Variants in SBF2 observed in about 807,000 individuals in gnomAD.
SBF2 encodes myotubularin-related protein 13.
Under a neutral mutation model 225.2 loss-of-function variants are expected in SBF2, and 112 were observed. The ratio of observed to expected loss-of-function variants is 0.50; its 90% CI spans 0.43 to 0.58. SBF2 has a LOEUF of 0.58. SBF2 is among the 20% of genes least tolerant of loss of function. SBF2 has a pLI of 0.00. For missense variants in SBF2, 1,996 were observed against 2,206.2 expected (o/e 0.90, Z 1.91); for synonymous variants, 763 against 773.3 (o/e 0.99, Z 0.22).
At chr11:9,833,789 T>TC (rs1402971557) in intron 26 of SBF2, among the ~76,000 whole-genome samples, 4 of 149,234 alleles carry the variant, frequency 2.7e-5, no homozygotes, top group Non-Finnish European at 6.0e-5. Flanking sequence ...TTTTTTTTTT[T>TC]TGAGATGGAG....
intron 1 of SBF2, among the ~76,000 whole-genome samples, chr11:10,196,867 T>TATATATA (rs1409393179): frequency 5.2e-4 from 20 of 38,562 alleles, no homozygotes; most frequent in Middle Eastern, 0.013. Context: ...TATATATATA[T>TATATATA]TTTTTTTTTC....
intron 16 of SBF2, among the ~76,000 whole-genome samples, chr11:9,930,698 G>A (rs1363481631): frequency 6.6e-6 from 1 of 152,228 alleles, no homozygotes; most frequent in Non-Finnish European, 1.5e-5. Context: ...GAAGACGGGT[G>A]ATTTCTGCAT....
intron 16 of SBF2, among the ~76,000 whole-genome samples, chr11:9,925,072 AT>A (rs1863925027): frequency 6.6e-6 from 1 of 151,960 alleles, no homozygotes; most frequent in Admixed American, 6.5e-5. Context: ...AACTTAGGAT[AT>A]TTTTAACTTA....
intron 2 of SBF2, among the ~76,000 whole-genome samples, chr11:10,162,414 A>T (rs916518939): frequency 1.3e-5 from 2 of 152,182 alleles, no homozygotes. Context: ...TGAGCACCCA[A>T]AGAGTTTCTG....
At chr11:9,998,664 G>C (rs1947814011) in intron 8 of SBF2, among the ~76,000 whole-genome samples, 1 of 152,196 alleles carries the variant, frequency 6.6e-6, no homozygotes, top group South Asian at 2.1e-4. Context: ...GCTCTCCTAT[G>C]CTGTCTTTCC....
rs200602292 is a variant in SBF2, at chr11:9,924,732, G to A, written c.1861-28721C>T. On this transcript the variant is annotated intron_variant, in intron 16 of 39. Transcript: ENST00000256190. ...CAGGCGTGAGCCACCACGCCCAGTC[G>A]CATTTTCTTATTTTTATTTATTTAT... 9.3e-5 allele frequency among the ~76,000 whole-genome samples: 14 copies of A among 149,830 alleles called. No individual in the cohort carries two copies. In the East Asian group the frequency reaches 2.2e-3, roughly 24 times the overall value.
intron 17 of SBF2, among the ~76,000 whole-genome samples, chr11:9,882,662 C>T (rs1409494734): frequency 6.6e-6 from 1 of 151,980 alleles, no homozygotes; most frequent in Non-Finnish European, 1.5e-5. Flanking sequence ...CTAAAATTAG[C>T]TGGGCGCGGT....
chr11:10,266,592 T>C (rs1457375523), intron 1 of SBF2, among the ~76,000 whole-genome samples: 1 of 152,176 alleles, frequency 6.6e-6, no homozygotes, highest in Non-Finnish European at 1.5e-5. Flanking sequence ...GGTGGCAATA[T>C]GGAACTAGCT....
chr11:10,220,262 G>A (rs1018366295), intron 1 of SBF2, among the ~76,000 whole-genome samples: 1 of 151,894 alleles, frequency 6.6e-6, no homozygotes, highest in Non-Finnish European at 1.5e-5. Flanking sequence ...TCACTATCAC[G>A]AGAACAGCAT....
intron 16 of SBF2, among the ~76,000 whole-genome samples, chr11:9,897,604 TGGCTGCAAA>T (rs1329465011): frequency 1.3e-5 from 2 of 152,174 alleles, no homozygotes; most frequent in African/African-American, 4.8e-5. Context: ...GTGCCCACAA[TGGCTGCAAA>T]AGCTGCAATT....
intron 2 of SBF2, among the ~76,000 whole-genome samples, chr11:10,125,822 T>A (rs897068970): frequency 1.3e-5 from 2 of 152,238 alleles, no homozygotes; most frequent in African/African-American, 4.8e-5. Flanking sequence ...TTTCTCAGTC[T>A]TTTCTTTTTT....
At chr11:9,822,490 G>A (rs1209499946) in intron 28 of SBF2, among the ~76,000 whole-genome samples, 7 of 152,114 alleles carry the variant, frequency 4.6e-5, no homozygotes, top group African/African-American at 1.7e-4. Context: ...TCGATCTCCT[G>A]ACCACGTGAT....
At chr11:10,290,713 C>T (rs755005460) in intron 1 of SBF2, among the ~76,000 whole-genome samples, 12 of 152,072 alleles carry the variant, frequency 7.9e-5, no homozygotes, top group Non-Finnish European at 1.6e-4. Context: ...TAGAATAGAT[C>T]CTGGACTATT....
chr11:10,107,004 T>G (rs181051126), intron 2 of SBF2, among the ~76,000 whole-genome samples: 1 of 152,328 alleles, frequency 6.6e-6, no homozygotes, highest in Admixed American at 6.5e-5. Flanking sequence ...TTAAACCAAT[T>G]GTCCCTTCCT....
At chr11:9,839,336 T>C in intron 26 of SBF2, 162 bp downstream of exon 26, 1 of 739,700 alleles carries the variant, frequency 1.4e-6, no homozygotes, top group Non-Finnish European at 2.4e-6. Flanking sequence ...AGGTAATTGT[T>C]CCGAGAATGC....
intron 16 of SBF2, among the ~76,000 whole-genome samples, chr11:9,945,780 C>T (rs61876972): frequency 0.11 from 17,062 of 152,084 alleles, 1,086 homozygotes; most frequent in Non-Finnish European, 0.13. Flanking sequence ...AGGACATGAA[C>T]AGACACTTCT....
intron 29 of SBF2, among the ~76,000 whole-genome samples, chr11:9,813,871 G>A (rs1355953897): frequency 6.6e-6 from 1 of 152,076 alleles, no homozygotes; most frequent in Admixed American, 6.5e-5. Context: ...GAACCCCGGA[G>A]ATGGAGGTTG....
At position 10,193,961 on chromosome 11, in the gene SBF2, T is replaced by C; in HGVS notation, c.82A>G (p.Ile28Val). ...CAGTCCTTCTGTGGAAATCTCTGGA[T>C]TATTTTCCCCAGACCTTCTCCTGAT... ...PGSGEGLGKI[I>V]QRFPQKDWDD... is the part of the protein sequence containing the mutation. The change falls in exon 2 of 40, where the codon ATC becomes GTC. Residue 28 changes from isoleucine (I) to valine (V), a missense_variant. Ile to Val is a conservative substitution (Grantham distance 29, BLOSUM62 3). Coordinates refer to ENST00000256190, the MANE Select transcript of SBF2 (RefSeq NM_030962.4). The C allele has an allele frequency of 6.2e-7, 1 of 1,612,680 alleles. No homozygotes were observed. Among genetic ancestry groups the C allele is most frequent in the Non-Finnish European group, 8.5e-7 (1 of 1,178,776 alleles).
At chr11:9,965,297 C>CTTTT (rs34056394) in intron 14 of SBF2, among the ~76,000 whole-genome samples, 7 of 128,828 alleles carry the variant, frequency 5.4e-5, no homozygotes, top group East Asian at 2.2e-4. Flanking sequence ...ATGTTTTAAA[C>CTTTT]TTTTTTTTTT....
Sources: gnomAD v4.1 joint callset for allele counts (sites outside exome capture counted in the v4.1 genomes callset) on GRCh38, gnomAD v4.1.1 for gene constraint, MANE v1.5 for transcripts, NCBI Gene and HGNC (gene_info 2026-07-23, HGNC 2026-07-21) for gene names.